POPDC1: variants seen among roughly 807,000 people sequenced by gnomAD.
POPDC1 encodes the protein popeye domain-containing protein 1.
At chr6:105,103,666 C>G in the POPDC1 span, among the ~76,000 whole-genome samples, 14 of 152,266 alleles carry the variant, frequency 9.2e-5, no homozygotes, top group African/African-American at 3.1e-4. Context: ...ACACGCTTAA[C>G]AGAAACATAC....
chr6:105,114,121 G>A, the POPDC1 span, among the ~76,000 whole-genome samples: 1 of 152,142 alleles, frequency 6.6e-6, no homozygotes, highest in African/African-American at 2.4e-5. Flanking sequence ...AAAATAACTC[G>A]TCTTTAAGTC....
At chr6:105,133,896 A>T in the POPDC1 span, among the ~76,000 whole-genome samples, 5,519 of 152,282 alleles carry the variant, frequency 0.036, 118 homozygotes, top group African/African-American at 0.055. Context: ...CTTGTAGGGA[A>T]GGGAGGAGTG....
At chr6:105,112,313 G>A in the POPDC1 span, among the ~76,000 whole-genome samples, 6,568 of 152,232 alleles carry the variant, frequency 0.043, 473 homozygotes, top group African/African-American at 0.15. Context: ...AATGCGATGT[G>A]CACATGCTGT....
At chr6:105,136,766 G>A in the POPDC1 span, 2 of 152,280 alleles carry the variant, frequency 1.3e-5, no homozygotes, top group African/African-American at 4.8e-5. Context: ...CCCCTCGAGG[G>A]CGCGGCCAGC....
the POPDC1 span, among the ~76,000 whole-genome samples, chr6:105,105,035 C>T: frequency 6.6e-6 from 1 of 152,118 alleles, no homozygotes; most frequent in Non-Finnish European, 1.5e-5. Context: ...CATGAATGAG[C>T]TTATTTCTTA....
the POPDC1 span, among the ~76,000 whole-genome samples, chr6:105,123,206 C>A: frequency 6.6e-6 from 1 of 152,148 alleles, no homozygotes; most frequent in Non-Finnish European, 1.5e-5. Flanking sequence ...TACCTTCTTG[C>A]CCACAAGCAA....
chr6:105,129,889 T>G, the POPDC1 span, among the ~76,000 whole-genome samples: 1 of 152,226 alleles, frequency 6.6e-6, no homozygotes, highest in Non-Finnish European at 1.5e-5. Context: ...ATTATTGGAC[T>G]GTTGTTGACC....
chr6:105,101,249 C>T, the POPDC1 span: 6 of 1,578,536 alleles, frequency 3.8e-6, no homozygotes, highest in African/African-American at 6.8e-5. Context: ...CCACTGAATG[C>T]ACAATCTACC....
chr6:105,106,239 G>T, the POPDC1 span, among the ~76,000 whole-genome samples: 1 of 152,144 alleles, frequency 6.6e-6, no homozygotes, highest in Non-Finnish European at 1.5e-5. Context: ...TGTTGCTGGA[G>T]GGATGTTTCA....
chr6:105,119,586 T>C, the POPDC1 span, among the ~76,000 whole-genome samples: 2 of 152,180 alleles, frequency 1.3e-5, no homozygotes, highest in East Asian at 3.9e-4. Context: ...GGTGTCCTCA[T>C]GAGGGCCCAG....
the POPDC1 span, among the ~76,000 whole-genome samples, chr6:105,105,777 CAGAGGCCCA>C: frequency 6.6e-6 from 1 of 152,096 alleles, no homozygotes; most frequent in African/African-American, 2.4e-5. Flanking sequence ...GAAATTTGCC[CAGAGGCCCA>C]ACTATCTTCC....
the POPDC1 span, among the ~76,000 whole-genome samples, chr6:105,113,034 A>C: frequency 6.6e-6 from 1 of 151,514 alleles, no homozygotes; most frequent in Non-Finnish European, 1.5e-5. Flanking sequence ...CGGCTCAAGC[A>C]ATCCTCTCAC....
At chr6:105,124,067 T>C in the POPDC1 span, among the ~76,000 whole-genome samples, 16 of 152,326 alleles carry the variant, frequency 1.1e-4, no homozygotes, top group African/African-American at 3.8e-4. Context: ...TATCTTTCTA[T>C]AACATTTTCT....
At chr6:105,127,336 C>T in the POPDC1 span, among the ~76,000 whole-genome samples, 1 of 152,196 alleles carries the variant, frequency 6.6e-6, no homozygotes, top group Non-Finnish European at 1.5e-5. Flanking sequence ...CCAGCAAGTT[C>T]TGACATTCAG....
At chr6:105,117,085 C>T in the POPDC1 span, among the ~76,000 whole-genome samples, 47 of 152,306 alleles carry the variant, frequency 3.1e-4, no homozygotes, top group East Asian at 8.3e-3. Flanking sequence ...AGCAAATTCT[C>T]TGTGTTTCCT....
chr6:105,119,139 C>T, the POPDC1 span, among the ~76,000 whole-genome samples: 59 of 142,066 alleles, frequency 4.2e-4, no homozygotes, highest in Admixed American at 3.3e-3. Context: ...GAGCCGAGAT[C>T]GTGCCGCTGC....
the POPDC1 span, among the ~76,000 whole-genome samples, chr6:105,107,228 T>A: frequency 7.2e-5 from 11 of 152,184 alleles, no homozygotes; most frequent in African/African-American, 2.7e-4. Context: ...TTTCTGTGCC[T>A]GGTTTATTTC....
chr6:105,097,147 T>C, the POPDC1 span: 1 of 152,108 alleles, frequency 6.6e-6, no homozygotes, highest in Non-Finnish European at 1.5e-5. Context: ...ATGGCTGCCA[T>C]GAGTAAGGGA....
the POPDC1 span, among the ~76,000 whole-genome samples, chr6:105,109,170 C>T: frequency 1.3e-5 from 2 of 152,156 alleles, no homozygotes; most frequent in Admixed American, 6.5e-5. Context: ...GCTGGCTGGG[C>T]TGGTCTTGAA....
Sources: gnomAD v4.1 joint callset for allele counts (sites outside exome capture counted in the v4.1 genomes callset) on GRCh38, gnomAD v4.1.1 for gene constraint, MANE v1.5 for transcripts, NCBI Gene and HGNC (gene_info 2026-07-23, HGNC 2026-07-21) for gene names.